ENTPD1: variants seen among roughly 807,000 people sequenced by gnomAD.
ENTPD1 encodes ectonucleoside triphosphate diphosphohydrolase 1.
A neutral mutation model predicts 57.0 loss-of-function variants in ENTPD1; 33 were observed. That is an observed-to-expected ratio of 0.58 (90% confidence interval 0.44 to 0.77). The LOEUF (loss-of-function observed/expected upper bound fraction) is 0.77. Among genes scored for constraint, ENTPD1 ranks in the 30% least tolerant of loss-of-function variants. ENTPD1 has a pLI of 0.00. For synonymous variants in ENTPD1, 202 were observed against 218.8 expected, an observed-to-expected ratio of 0.92 and a Z score of 0.68; for missense variants, 501 against 603.4, an observed-to-expected ratio of 0.83 and a Z score of 1.78.
At chr10:95,722,069 G>C (rs2097978075) in intron 1 of ENTPD1, among the ~76,000 whole-genome samples, 1 of 152,060 alleles carries the variant, frequency 6.6e-6, no homozygotes, top group South Asian at 2.1e-4. Flanking sequence ...GAGGGTGTAG[G>C]TAACATTTTG....
intron 1 of ENTPD1, among the ~76,000 whole-genome samples, chr10:95,748,569 C>T (rs1262640685): frequency 6.6e-6 from 1 of 152,214 alleles, no homozygotes; most frequent in Non-Finnish European, 1.5e-5. Context: ...GTACATATTT[C>T]TGTGTGTGTC....
In ENTPD1 at chr10:95,738,383, G is replaced by A. The variant is rs1057081902; in HGVS notation, c.37+26390G>A. On this transcript the variant is annotated intron_variant, in intron 1 of 9. Coordinates refer to the ENTPD1 transcript ENST00000453258. ...GATGGGGTAATTGTCAGATATTAAT[G>A]AAGTATGGCAGTAGGCAAACCTAGG... is the stretch of plus-strand genomic sequence containing the variant. 2.6e-5 allele frequency among the ~76,000 whole-genome samples: 4 copies of A among 152,202 alleles called. No homozygotes were observed. In the East Asian group the frequency reaches 7.7e-4, roughly 29 times the overall value.
Position 95,873,514 on chromosome 10 carries a change from G to T in ENTPD1, c.*7131G>T. On this transcript the variant is annotated 3_prime_UTR_variant, in exon 10 of 10. Transcript: ENST00000371205. ...TAGATGTATTACCTCCATGCTCTCA[G>T]TAGAGGCCCATAGGAAAGAGTAGGT... 1.0e-6 allele frequency: 1 copy of T among 985,390 alleles called. No individual in the cohort carries two copies. Among genetic ancestry groups the T allele is most frequent in the Non-Finnish European group, 1.2e-6 (1 of 829,936 alleles). 61.0% of individuals were successfully genotyped at this position (985,390 alleles called of 1,614,324 possible).
chr10:95,732,546 G>A lies in ENTPD1; in HGVS notation c.37+20553G>A, dbSNP rs74669533. On this transcript the variant is annotated intron_variant, in intron 1 of 9. Transcript: ENST00000453258. ...ATTTGCTCTCTCAAATGCAGTGGTC[G>A]TGAATCCCCATGTTAGGTATTTTAG... Among the ~76,000 whole-genome samples, 608 of 152,268 alleles carry A rather than the reference G, an allele frequency of 4.0e-3. 3 individuals are homozygous for A. The highest frequency in any genetic ancestry group is 6.8e-3 in the Non-Finnish European group (466 of 68,030).
intron 2 of ENTPD1, among the ~76,000 whole-genome samples, chr10:95,823,854 T>A (rs2098363290): frequency 6.6e-6 from 1 of 152,194 alleles, no homozygotes; most frequent in African/African-American, 2.4e-5. Context: ...TATCTCCAGA[T>A]ATAGTAAAGA....
chr10:95,797,288 A>C (rs1471373751), intron 1 of ENTPD1, among the ~76,000 whole-genome samples: 1 of 152,110 alleles, frequency 6.6e-6, no homozygotes, highest in Non-Finnish European at 1.5e-5. Flanking sequence ...GCCATAGAAC[A>C]TCCAAGCAGA....
At position 95,869,787 on chromosome 10, in the gene ENTPD1, C is replaced by A; in HGVS notation, c.*3404C>A. 1.3e-6 allele frequency: 1 copy of A among 755,060 alleles called. No homozygotes were observed. Among genetic ancestry groups the A allele is most frequent in the Non-Finnish European group, 1.6e-6 (1 of 620,134 alleles). The allele number at this position is 755,060 out of a possible 1,614,324, so 46.8% of individuals were successfully genotyped here. Reference sequence around the variant, plus strand: ...ACACAGGAGAGTTTTCAGAAAGCAACTAAATCCAAAATACTATCAAGGAAT... The same window carrying A: ...ACACAGGAGAGTTTTCAGAAAGCAAATAAATCCAAAATACTATCAAGGAAT... On this transcript the variant is annotated 3_prime_UTR_variant, in exon 10 of 10. Coordinates refer to ENST00000371205, the MANE Select transcript of ENTPD1 (RefSeq NM_001776.6).
intron 1 of ENTPD1, among the ~76,000 whole-genome samples, chr10:95,718,208 T>G (rs1223238738): frequency 6.6e-6 from 1 of 152,102 alleles, no homozygotes; most frequent in East Asian, 1.9e-4. Flanking sequence ...ACTGGTTAGC[T>G]GCAGGCAAAA....
intron 1 of ENTPD1, among the ~76,000 whole-genome samples, chr10:95,722,842 A>C (rs1463760459): frequency 6.6e-6 from 1 of 152,232 alleles, no homozygotes; most frequent in Non-Finnish European, 1.5e-5. Context: ...TCAGTGGTTA[A>C]GGTTAAATCA....
intron 2 of ENTPD1, among the ~76,000 whole-genome samples, chr10:95,825,679 G>A (rs1377211381): frequency 3.3e-5 from 5 of 152,180 alleles, no homozygotes; most frequent in African/African-American, 1.2e-4. Context: ...CTGGGTTCAC[G>A]TCGTTCTCCT....
upstream of ENTPD1, among the ~76,000 whole-genome samples, chr10:95,707,237 A>G (rs1397944260): frequency 6.6e-6 from 1 of 152,174 alleles, no homozygotes; most frequent in Admixed American, 6.5e-5. Context: ...CCAAGAGCAC[A>G]GGGAGGCTCA....
At chr10:95,845,259 CCT>C (rs2098432587) in intron 5 of ENTPD1, 96 bp from the exon 6 acceptor site, 17 of 1,560,378 alleles carry the variant, frequency 1.1e-5, no homozygotes, top group Admixed American at 5.0e-5. Flanking sequence ...CCTTTATGCC[CCT>C]GTTTCTTTGC....
At chr10:95,839,983 G>A (rs567645592) in intron 3 of ENTPD1, among the ~76,000 whole-genome samples, 175 bp downstream of exon 3, 18 of 152,262 alleles carry the variant, frequency 1.2e-4, no homozygotes, top group Admixed American at 1.0e-3. Context: ...GAAATCAGTC[G>A]TTAATGATCA....
the ENTPD1 span, among the ~76,000 whole-genome samples, chr10:95,697,931 C>T: frequency 2.0e-5 from 3 of 152,112 alleles, no homozygotes; most frequent in Admixed American, 2.0e-4. Context: ...TGAGCAGGGG[C>T]TGGAAGAGTT....
chr10:95,836,868 C>T (rs2098411039), intron 2 of ENTPD1, among the ~76,000 whole-genome samples: 2 of 152,140 alleles, frequency 1.3e-5, no homozygotes, highest in African/African-American at 4.8e-5. Flanking sequence ...AGGCAAGCTC[C>T]CCAAATGCTC....
In ENTPD1 at chr10:95,873,280, C is replaced by T. The variant is rs1417608315; in HGVS notation, c.*6897C>T. ...TGTCATTCACAGGCATTCTGTTCCA[C>T]AGCAGGCCAGCTAACGTGGTATTTA... On this transcript the variant is annotated 3_prime_UTR_variant, in exon 10 of 10. Transcript: ENST00000371205. The T allele has an allele frequency of 2.0e-6, 2 of 985,332 alleles. No individual in the cohort carries two copies. The highest frequency in any genetic ancestry group is 2.4e-6 in the Non-Finnish European group (2 of 829,952). 61.0% of individuals were successfully genotyped at this position (985,332 alleles called of 1,614,324 possible). A position where few individuals can be genotyped will look rare whatever the true frequency, so the allele number is the denominator to read the frequency against.
At chr10:95,857,635 A>C (rs1485879265) in intron 7 of ENTPD1, among the ~76,000 whole-genome samples, 1 of 152,216 alleles carries the variant, frequency 6.6e-6, no homozygotes, top group Non-Finnish European at 1.5e-5. Flanking sequence ...AGCATATATA[A>C]ATTTATCCAG....
Position 95,866,288 on chromosome 10 carries a change from CT to C in ENTPD1, c.1439del (p.Leu480ProfsTer15). ...TCTCTCCCACTCCACCTATGTCTTC[CT>C]CATGGTTCTATTCTCCCTGGTCCTT... ...TPLSHSTYVF[L>X]MVLFSLVLFT... On this transcript the variant is annotated frameshift_variant, in exon 10 of 10. Coordinates refer to ENST00000371205, the MANE Select transcript of ENTPD1 (RefSeq NM_001776.6). LOFTEE classifies it high-confidence loss of function. The C allele has an allele frequency of 6.2e-7, 1 of 1,614,208 alleles. No homozygotes were observed. Among genetic ancestry groups the C allele is most frequent in the Non-Finnish European group, 8.5e-7 (1 of 1,180,040 alleles).
intron 1 of ENTPD1, among the ~76,000 whole-genome samples, chr10:95,715,942 G>A (rs2097970982): frequency 6.6e-6 from 1 of 152,138 alleles, no homozygotes; most frequent in Non-Finnish European, 1.5e-5. Flanking sequence ...ATGGATCACT[G>A]CAGCCTTGAC....
Sources: gnomAD v4.1 joint callset for allele counts (sites outside exome capture counted in the v4.1 genomes callset) on GRCh38, gnomAD v4.1.1 for gene constraint, MANE v1.5 for transcripts, NCBI Gene and HGNC (gene_info 2026-07-23, HGNC 2026-07-21) for gene names.